CHRNB3: variants seen among roughly 807,000 people sequenced by gnomAD.
The protein encoded by CHRNB3 is cholinergic receptor nicotinic beta 3 subunit.
In CHRNB3, 37 loss-of-function variants were observed where a neutral mutation model predicts 40.6. That is an observed-to-expected ratio of 0.91 (90% CI 0.70 to 1.20). The LOEUF is 1.20. Ranked by LOEUF, CHRNB3 falls within the 50% of genes most tolerant of loss-of-function variation. CHRNB3 has a pLI of 0.00. For synonymous variants in CHRNB3, 207 were observed against 207.1 expected, an observed-to-expected ratio of 1.00 and a Z score of 0.00; for missense variants, 505 against 551.2, an observed-to-expected ratio of 0.92 and a Z score of 0.84.
chr8:42,734,125 G>C (rs1380605439), intron 5 of CHRNB3, among the ~76,000 whole-genome samples: 1 of 149,958 alleles, frequency 6.7e-6, no homozygotes, highest in Non-Finnish European at 1.5e-5. Context: ...GCGTGGTGGT[G>C]GGAGCCTGTA....
chr8:42,734,361 T>C (rs561966764), intron 5 of CHRNB3, among the ~76,000 whole-genome samples: 25 of 151,106 alleles, frequency 1.7e-4, no homozygotes, highest in African/African-American at 4.9e-4. Context: ...AATATTTTAC[T>C]CTAAAATTGA....
Position 42,720,207 on chromosome 8 carries a change from C to A in CHRNB3, c.249+9773C>A, listed in dbSNP as rs554775948. Among the ~76,000 whole-genome samples, 18 of 138,368 alleles carry A rather than the reference C, an allele frequency of 1.3e-4. No individual in the cohort carries two copies. The East Asian group carries it at 4.4e-3, about 34-fold the overall frequency. The allele number at this position is 138,368 out of a possible 152,430, so 90.8% of individuals were successfully genotyped here. A position where few individuals can be genotyped will look rare whatever the true frequency, so the allele number is the denominator to read the frequency against. ...AGCGGCACGATCTCGGCTCCGCCTCCCAGGTTCAAGAGATTCTCCTGCCTC... is the reference window on the plus strand; with the variant it reads ...AGCGGCACGATCTCGGCTCCGCCTCACAGGTTCAAGAGATTCTCCTGCCTC... On this transcript the variant is annotated intron_variant, in intron 3 of 5. Coordinates refer to ENST00000289957, the MANE Select transcript of CHRNB3 (RefSeq NM_000749.5).
chr8:42,727,304 T>G lies in CHRNB3; in HGVS notation c.250-3290T>G, dbSNP rs1586407570. ...ATGAGAATTACTTGAACCTGGGAGG[T>G]GGAAGTTGCAGTGAGACGAGATCCC... On this transcript the variant is annotated intron_variant, in intron 3 of 5. Coordinates refer to ENST00000289957, the MANE Select transcript of CHRNB3 (RefSeq NM_000749.5). Among the ~76,000 whole-genome samples the G allele has an allele frequency of 1.5e-5, 2 of 135,762 alleles. 1 individual carries two copies. The highest frequency in any genetic ancestry group is 5.6e-5 in the African/African-American group (2 of 36,012). The allele number at this position is 135,762 out of a possible 152,430, so 89.1% of individuals were successfully genotyped here. A position where few individuals can be genotyped will look rare whatever the true frequency, so the allele number is the denominator to read the frequency against.
In CHRNB3 at chr8:42,732,458, G is replaced by T. The variant is rs746946270; in HGVS notation, c.1151G>T (p.Gly384Val). The change falls in exon 5 of 6, where the codon GGA becomes GTA. Residue 384 changes from glycine (G) to valine (V), a missense_variant. Coordinates refer to ENST00000289957, the MANE Select transcript of CHRNB3 (RefSeq NM_000749.5). ...AAGAAACAGAAACAGCTTAGTGATGGAGAAAAAGTTCTAGTTGCTTTTTTG... is the reference window on the plus strand; with the variant it reads ...AAGAAACAGAAACAGCTTAGTGATGTAGAAAAAGTTCTAGTTGCTTTTTTG... Reference protein sequence around the residue: ...EKKKQKQLSDGEKVLVAFLEK... With the variant: ...EKKKQKQLSDVEKVLVAFLEK... The T allele has an allele frequency of 1.4e-5, 22 of 1,613,628 alleles. No homozygotes were observed. The highest frequency in any genetic ancestry group is 1.9e-5 in the Non-Finnish European group (22 of 1,179,956).
intron 1 of CHRNB3, among the ~76,000 whole-genome samples, chr8:42,702,106 C>G (rs1815816051): frequency 6.6e-6 from 1 of 152,122 alleles, no homozygotes; most frequent in Non-Finnish European, 1.5e-5. Context: ...CAGCAGCACA[C>G]TCTCCCAGAG....
intron 3 of CHRNB3, 96 bp downstream of exon 3, chr8:42,710,530 A>G (rs1460051886): frequency 1.0e-6 from 1 of 961,944 alleles, no homozygotes; most frequent in Non-Finnish European, 1.6e-6. Flanking sequence ...AAGAGGGCAT[A>G]TTGTGTTCCT....
chr8:42,708,054 G>A (rs1300534686), intron 1 of CHRNB3, among the ~76,000 whole-genome samples: 1 of 152,230 alleles, frequency 6.6e-6, no homozygotes, highest in Admixed American at 6.5e-5. Flanking sequence ...TCTGTGAAGA[G>A]GGAGCGTTGC....
chr8:42,707,097 GTC>G (rs1185664929), intron 1 of CHRNB3, among the ~76,000 whole-genome samples: 1 of 152,168 alleles, frequency 6.6e-6, no homozygotes, highest in Non-Finnish European at 1.5e-5. Context: ...GTAAGGTTGC[GTC>G]TCTCCCTATC....
At chr8:42,709,089 C>T (rs78428120) in intron 2 of CHRNB3, among the ~76,000 whole-genome samples, 1,689 of 152,222 alleles carry the variant, frequency 0.011, 34 homozygotes, top group African/African-American at 0.039. Flanking sequence ...TGGGACGATT[C>T]GCTGCGGGGA....
Position 42,732,524 on chromosome 8 carries a change from T to G in CHRNB3, c.1217T>G (p.Val406Gly), listed in dbSNP as rs912753750. Residue 406 changes from valine (V) to glycine (G), a missense_variant, in exon 5 of 6, where the codon GTG becomes GGG. Coordinates refer to ENST00000289957, the MANE Select transcript of CHRNB3 (RefSeq NM_000749.5). ...ADSIRYISRH[V>G]KKEHFISQVV... ...TCCATTAGATACATTTCGAGACATG[T>G]GAAGAAAGAACATTTTATCAGCCAG... The G allele has an allele frequency of 6.3e-7, 1 of 1,599,300 alleles. No homozygotes were observed. Among genetic ancestry groups the G allele is most frequent in the African/African-American group, 1.4e-5 (1 of 73,976 alleles).
chr8:42,708,421 G>A (rs142052293), intron 1 of CHRNB3, among the ~76,000 whole-genome samples: 1,679 of 152,006 alleles, frequency 0.011, 34 homozygotes, highest in African/African-American at 0.039. Flanking sequence ...AGCCGAGATC[G>A]CGCCAATGCA....
chr8:42,734,412 A>G (rs1816484602), intron 5 of CHRNB3, among the ~76,000 whole-genome samples: 1 of 150,784 alleles, frequency 6.6e-6, no homozygotes, highest in South Asian at 2.1e-4. Flanking sequence ...AAACAAACTG[A>G]TGAAAGAATT....
chr8:42,730,105 G>T (rs1165251088), intron 3 of CHRNB3, among the ~76,000 whole-genome samples: 2 of 152,136 alleles, frequency 1.3e-5, no homozygotes, highest in Non-Finnish European at 2.9e-5. Context: ...TGATCAAGAA[G>T]AATTCATGGA....
At chr8:42,711,916 G>T (rs1424324046) in intron 3 of CHRNB3, among the ~76,000 whole-genome samples, 1 of 151,718 alleles carries the variant, frequency 6.6e-6, no homozygotes, top group Non-Finnish European at 1.5e-5. Context: ...GTGTCCATGG[G>T]TACCAGTTGT....
In CHRNB3 at chr8:42,731,867, A is replaced by G. The variant is rs1490016867; in HGVS notation, c.560A>G (p.Asn187Ser). The part of the protein sequence containing the change: ...DGTMVDLILI[N>S]ENVDRKDFFD... ...ACCATGGTTGACCTCATTTTGATCA[A>G]TGAAAATGTCGACAGAAAAGACTTC... The change falls in exon 5 of 6, where the codon AAT becomes AGT. Residue 187 changes from asparagine to serine, a missense_variant. Asn to Ser is a conservative substitution (Grantham distance 46). Transcript: ENST00000289957. 2.5e-6 allele frequency: 4 copies of G among 1,614,036 alleles called. No individual in the cohort carries two copies. Among genetic ancestry groups the G allele is most frequent in the East Asian group, 2.2e-5 (1 of 44,894 alleles).
At chr8:42,698,000 A>T (rs1815706345) in intron 1 of CHRNB3, among the ~76,000 whole-genome samples, 1 of 152,196 alleles carries the variant, frequency 6.6e-6, no homozygotes, top group Non-Finnish European at 1.5e-5. Flanking sequence ...CTGCATGTAG[A>T]TATTTAATTT....
intron 3 of CHRNB3, 32 bp from the exon 4 acceptor site, chr8:42,730,562 G>T (rs368226322): frequency 2.3e-6 from 3 of 1,321,486 alleles, no homozygotes; most frequent in South Asian, 2.7e-5. Flanking sequence ...TGAACTTTCG[G>T]AATAAAATCA....
intron 3 of CHRNB3, among the ~76,000 whole-genome samples, chr8:42,712,244 C>T (rs1169085620): frequency 5.3e-5 from 8 of 152,150 alleles, no homozygotes; most frequent in African/African-American, 9.7e-5. Context: ...CTGCTCACCT[C>T]GGCCTCCAAA....
intron 1 of CHRNB3, among the ~76,000 whole-genome samples, chr8:42,700,810 T>G (rs1815779060): frequency 6.6e-6 from 1 of 152,164 alleles, no homozygotes; most frequent in South Asian, 2.1e-4. Flanking sequence ...GAGAAAAGTT[T>G]TATCTGTTAA....
Sources: allele counts gnomAD v4.1 joint callset (sites outside exome capture counted in the v4.1 genomes callset), GRCh38; gene constraint gnomAD v4.1.1; transcripts MANE v1.5; gene names NCBI Gene and HGNC (gene_info 2026-07-23, HGNC 2026-07-21).